Variants in UNC5D observed in about 807,000 individuals in gnomAD.
UNC5D encodes the protein netrin receptor UNC5D.
In UNC5D, 39 loss-of-function variants were observed where a neutral mutation model predicts 105.4. That is an observed-to-expected ratio of 0.37 (90% confidence interval 0.29 to 0.48). The LOEUF (loss-of-function observed/expected upper bound fraction) is 0.48, where lower values mean the gene tolerates loss of function less well. Ranked by LOEUF, UNC5D falls within the 20% of genes least tolerant of loss-of-function variation. The probability of loss-of-function intolerance (pLI) is 0.98; values close to 1 mark genes in which losing one functional copy is unlikely to be tolerated. For missense variants in UNC5D, 991 were observed against 1,202.4 expected (o/e 0.82, Z 2.60); for synonymous variants, 452 against 450.4 (o/e 1.00, Z -0.04).
chr8:35,567,972 T>C (rs1477385210), intron 2 of UNC5D, 126 bp from the exon 3 acceptor site: 2 of 1,418,360 alleles, frequency 1.4e-6, no homozygotes, highest in Non-Finnish European at 1.9e-6. Flanking sequence ...TCAAAGTAAT[T>C]AAAACCTTGC....
chr8:35,525,071 C>T (rs1586045852), intron 1 of UNC5D: 7 of 1,071,244 alleles, frequency 6.5e-6, no homozygotes, highest in Non-Finnish European at 4.1e-6. Flanking sequence ...TGTTAAGAGC[C>T]AACAGGACAT....
chr8:35,377,020 C>A (rs1181344541), intron 1 of UNC5D, among the ~76,000 whole-genome samples: 1 of 152,196 alleles, frequency 6.6e-6, no homozygotes, highest in African/African-American at 2.4e-5. Context: ...TTTCTCCTTG[C>A]ATATTTAATT....
intron 15 of UNC5D, among the ~76,000 whole-genome samples, chr8:35,770,825 G>A (rs1294673576): frequency 3.3e-5 from 5 of 152,166 alleles, no homozygotes; most frequent in African/African-American, 1.2e-4. Flanking sequence ...GAAGTTGGGG[G>A]ATAATTTGTC....
rs112308558 is a variant in UNC5D, at chr8:35,721,081, A to G, written c.1118-1129A>G. 5.3e-5 allele frequency among the ~76,000 whole-genome samples: 8 copies of G among 152,328 alleles called. 1 individual carries two copies. The highest frequency in any genetic ancestry group is 1.9e-4 in the African/African-American group (8 of 41,568). On this transcript the variant is annotated intron_variant, in intron 8 of 16. Transcript: ENST00000404895. ...TGCATAGTAAGTGCTGCACAATTAC[A>G]AGGTAAATATATGATGGCTTTATTT...
chr8:35,633,901 C>A (rs1191066048), intron 4 of UNC5D, among the ~76,000 whole-genome samples: 1 of 152,166 alleles, frequency 6.6e-6, no homozygotes, highest in East Asian at 1.9e-4. Flanking sequence ...ACCCAAGAAT[C>A]CTATCTGTAG....
At chr8:35,354,025 A>T (rs1434396909) in intron 1 of UNC5D, among the ~76,000 whole-genome samples, 2 of 152,080 alleles carry the variant, frequency 1.3e-5, no homozygotes, top group Non-Finnish European at 2.9e-5. Flanking sequence ...AAATGAATGA[A>T]ACATATATTT....
intron 1 of UNC5D, among the ~76,000 whole-genome samples, chr8:35,540,017 T>G (rs560294450): frequency 6.6e-6 from 1 of 152,324 alleles, no homozygotes; most frequent in South Asian, 2.1e-4. Flanking sequence ...CATTCAATGT[T>G]GCATTAAAAC....
At chr8:35,370,260 T>C (rs1802353532) in intron 1 of UNC5D, among the ~76,000 whole-genome samples, 1 of 152,172 alleles carries the variant, frequency 6.6e-6, no homozygotes, top group South Asian at 2.1e-4. Context: ...CAAGAAAAGC[T>C]TGGGTGCTCT....
At chr8:35,525,176 T>A (rs2130485711) in intron 1 of UNC5D, 1 of 1,610,206 alleles carries the variant, frequency 6.2e-7, no homozygotes, top group East Asian at 2.2e-5. Flanking sequence ...GTGTACGGAC[T>A]CAGGATGACA....
In UNC5D at chr8:35,708,002, A is replaced by C. The variant is rs79101690; in HGVS notation, c.1117+2041A>C. Among the ~76,000 whole-genome samples the C allele has an allele frequency of 6.9e-3, 1,055 of 152,342 alleles. 10 individuals carry two copies. The highest frequency in any genetic ancestry group is 0.024 in the African/African-American group (1,004 of 41,584). ...CTGTAAGCTGCATGGTTAGGAGTGC[A>C]TTATAGAAATTCAGGCTGCAGTTGT... On this transcript the variant is annotated intron_variant, in intron 8 of 16. Transcript: ENST00000404895.
intron 8 of UNC5D, among the ~76,000 whole-genome samples, chr8:35,711,367 A>G (rs1362212473): frequency 2.0e-5 from 3 of 151,838 alleles, no homozygotes; most frequent in African/African-American, 7.3e-5. Flanking sequence ...TTTAATAAAG[A>G]CGGGGTTTCA....
intron 11 of UNC5D, among the ~76,000 whole-genome samples, chr8:35,735,632 A>G (rs1313203031): frequency 2.6e-5 from 4 of 152,222 alleles, no homozygotes; most frequent in Non-Finnish European, 5.9e-5. Flanking sequence ...GCATGAAATA[A>G]GAGCAAATAC....
intron 1 of UNC5D, among the ~76,000 whole-genome samples, chr8:35,343,474 T>C (rs1288946297): frequency 1.3e-5 from 2 of 152,088 alleles, no homozygotes; most frequent in Non-Finnish European, 2.9e-5. Flanking sequence ...TTTAATTTGG[T>C]TTATTGTTTA....
At chr8:35,736,819 A>G (rs1829494261) in intron 11 of UNC5D, among the ~76,000 whole-genome samples, 1 of 152,214 alleles carries the variant, frequency 6.6e-6, no homozygotes, top group South Asian at 2.1e-4. Flanking sequence ...ATATGAAAGG[A>G]AGAGTGACAG....
rs577454282 is a variant in UNC5D, at chr8:35,570,024, C to T, written c.466+1783C>T. Among the ~76,000 whole-genome samples the T allele has an allele frequency of 5.3e-5, 8 of 152,270 alleles. No homozygotes were observed. In the East Asian group the frequency reaches 7.7e-4, roughly 15 times the overall value. ...TTCTTGCTCACTTAATTCTTCATTG[C>T]GACTTGCCTGCTGGAAACTTCCAGG... On this transcript the variant is annotated intron_variant, in intron 3 of 16. Transcript: ENST00000404895.
At chr8:35,364,199 T>C (rs1285218032) in intron 1 of UNC5D, among the ~76,000 whole-genome samples, 1 of 152,146 alleles carries the variant, frequency 6.6e-6, no homozygotes, top group East Asian at 1.9e-4. Flanking sequence ...AAATAAATTT[T>C]CATTATTCTT....
chr8:35,635,923 T>G (rs1822342781), intron 4 of UNC5D, among the ~76,000 whole-genome samples: 1 of 152,114 alleles, frequency 6.6e-6, no homozygotes, highest in South Asian at 2.1e-4. Flanking sequence ...ATGCACTTCA[T>G]CCCTCACGGA....
chr8:35,668,036 A>T (rs1041990625), intron 4 of UNC5D, among the ~76,000 whole-genome samples: 5 of 152,284 alleles, frequency 3.3e-5, no homozygotes, highest in African/African-American at 1.2e-4. Flanking sequence ...GTTCTACACA[A>T]GGAATGTACC....
At chr8:35,336,810 T>C (rs1022130393) in intron 1 of UNC5D, among the ~76,000 whole-genome samples, 49 of 152,142 alleles carry the variant, frequency 3.2e-4, no homozygotes, top group Admixed American at 1.2e-3. Flanking sequence ...TTTTCTTTAT[T>C]TTTAGTTTAC....
Sources: allele counts gnomAD v4.1 joint callset (sites outside exome capture counted in the v4.1 genomes callset), GRCh38; gene constraint gnomAD v4.1.1; transcripts MANE v1.5; gene names NCBI Gene and HGNC (gene_info 2026-07-23, HGNC 2026-07-21).